Variants in ERBB4 observed in about 807,000 individuals in gnomAD.
ERBB4 encodes receptor tyrosine-protein kinase erbB-4.
ERBB4 carries 42 observed loss-of-function variants against 158.0 expected under a neutral mutation model. That is an observed-to-expected ratio of 0.27 (90% CI 0.21 to 0.34). The LOEUF is 0.34. ERBB4 is among the 10% of genes least tolerant of loss of function. ERBB4 has a pLI of 1.00. For missense variants in ERBB4, 1,333 were observed against 1,624.1 expected (o/e 0.82, Z 3.08); for synonymous variants, 583 against 558.7 (o/e 1.04, Z -0.61).
At chr2:212,476,812 A>G (rs1346031180) in intron 1 of ERBB4, among the ~76,000 whole-genome samples, 1 of 152,178 alleles carries the variant, frequency 6.6e-6, no homozygotes, top group African/African-American at 2.4e-5. Context: ...ATTTTTAAGT[A>G]TATACCCTCA....
intron 3 of ERBB4, among the ~76,000 whole-genome samples, chr2:211,933,847 T>G (rs980295422): frequency 1.3e-5 from 2 of 152,018 alleles, no homozygotes; most frequent in Non-Finnish European, 2.9e-5. Flanking sequence ...ATTAAGAGAT[T>G]TTTATTGCTC....
chr2:212,537,192 G>T (rs1182307650), intron 1 of ERBB4, among the ~76,000 whole-genome samples: 1 of 151,866 alleles, frequency 6.6e-6, no homozygotes, highest in Admixed American at 6.6e-5. Flanking sequence ...TCTTGGTGAG[G>T]TCAGAAGGAC....
chr2:212,295,141 T>C (rs544810700), intron 1 of ERBB4, among the ~76,000 whole-genome samples: 9 of 152,222 alleles, frequency 5.9e-5, no homozygotes, highest in South Asian at 2.1e-4. Context: ...GTCTTGCAAG[T>C]TGTCAATTAA....
chr2:212,336,049 T>G (rs2088425307), intron 1 of ERBB4, among the ~76,000 whole-genome samples: 1 of 151,992 alleles, frequency 6.6e-6, no homozygotes, highest in South Asian at 2.1e-4. Flanking sequence ...CTCACACTGC[T>G]CCAGTTTTTA....
chr2:211,627,672 A>G (rs1049763169), intron 17 of ERBB4, among the ~76,000 whole-genome samples: 8 of 152,326 alleles, frequency 5.3e-5, no homozygotes, highest in African/African-American at 1.9e-4. Context: ...TGTCAGACTG[A>G]CAATGAGAAA....
intron 20 of ERBB4, among the ~76,000 whole-genome samples, chr2:211,452,430 C>T (rs575364075): frequency 1.3e-5 from 2 of 152,266 alleles, no homozygotes; most frequent in South Asian, 4.2e-4. Flanking sequence ...CCCACCTCGG[C>T]CTCTCAAAGT....
intron 20 of ERBB4, among the ~76,000 whole-genome samples, chr2:211,540,184 T>G (rs1254442041): frequency 1.1e-5 from 1 of 91,042 alleles, no homozygotes; most frequent in African/African-American, 4.0e-5. Flanking sequence ...CTGACCTACA[T>G]GATTTATATA....
intron 2 of ERBB4, among the ~76,000 whole-genome samples, chr2:212,111,582 G>T (rs997061826): frequency 6.6e-6 from 1 of 151,796 alleles, no homozygotes; most frequent in Non-Finnish European, 1.5e-5. Context: ...AAAAGGAGAG[G>T]ATTTCCCAGG....
intron 1 of ERBB4, among the ~76,000 whole-genome samples, chr2:212,462,971 A>G (rs1435508413): frequency 6.6e-6 from 1 of 152,150 alleles, no homozygotes; most frequent in Non-Finnish European, 1.5e-5. Context: ...TGAGCCAGGA[A>G]GAAATTATGT....
Position 211,905,914 on chromosome 2 carries a change from G to C in ERBB4, c.421+41516C>G, listed in dbSNP as rs546426231. Among the ~76,000 whole-genome samples the C allele has an allele frequency of 1.2e-4, 18 of 151,496 alleles. No individual in the cohort carries two copies. The South Asian group carries it at 3.7e-3, about 32-fold the overall frequency. On this transcript the variant is annotated intron_variant, in intron 3 of 27. Transcript: ENST00000342788. Reference sequence around the variant, plus strand: ...CAAAAAGTTCAAAGGCACCAAAGAGGTAGGGTGTTTGTGCACTTGAGATGC... The same window carrying C: ...CAAAAAGTTCAAAGGCACCAAAGAGCTAGGGTGTTTGTGCACTTGAGATGC...
chr2:212,464,892 T>TCACACACACACACA (rs148243973), intron 1 of ERBB4, among the ~76,000 whole-genome samples: 15 of 146,142 alleles, frequency 1.0e-4, no homozygotes, highest in African/African-American at 3.5e-4. Flanking sequence ...AAGGGAAACA[T>TCACACACACACACA]CACACACACA....
At chr2:211,590,032 A>C (rs1478810199) in intron 19 of ERBB4, among the ~76,000 whole-genome samples, 1 of 152,214 alleles carries the variant, frequency 6.6e-6, no homozygotes, top group South Asian at 2.1e-4. Context: ...CTGTTTCTAG[A>C]AAAATTACTG....
intron 19 of ERBB4, among the ~76,000 whole-genome samples, chr2:211,608,565 C>T (rs1484153510): frequency 6.6e-6 from 1 of 152,152 alleles, no homozygotes; most frequent in African/African-American, 2.4e-5. Context: ...TACAAAGAAT[C>T]ATTTAATTCT....
At chr2:212,421,957 A>G (rs112309522) in intron 1 of ERBB4, among the ~76,000 whole-genome samples, 1 of 152,216 alleles carries the variant, frequency 6.6e-6, no homozygotes, top group Non-Finnish European at 1.5e-5. Context: ...CATTAAGAAG[A>G]TATCTAACGA....
chr2:211,542,451 C>T (rs1047998681), intron 20 of ERBB4, among the ~76,000 whole-genome samples: 4 of 151,956 alleles, frequency 2.6e-5, no homozygotes, highest in Non-Finnish European at 5.9e-5. Flanking sequence ...CTGACTGCAT[C>T]CAAAGTAACT....
intron 3 of ERBB4, among the ~76,000 whole-genome samples, chr2:211,857,690 G>T (rs2077906044): frequency 6.6e-6 from 1 of 152,124 alleles, no homozygotes; most frequent in Admixed American, 6.5e-5. Context: ...TGCCAAATTT[G>T]AATACAATTT....
chr2:211,785,473 A>T (rs2076138789), intron 4 of ERBB4, among the ~76,000 whole-genome samples: 2 of 152,096 alleles, frequency 1.3e-5, no homozygotes, highest in Admixed American at 1.3e-4. Flanking sequence ...TTTTGGTGTT[A>T]TATCCACGAA....
chr2:212,212,173 C>G (rs1048789877), intron 1 of ERBB4, among the ~76,000 whole-genome samples: 1 of 152,000 alleles, frequency 6.6e-6, no homozygotes, highest in Admixed American at 6.6e-5. Flanking sequence ...GTTTACATTC[C>G]CACCAACAGT....
At chr2:211,468,944 C>G (rs1023559581) in intron 20 of ERBB4, among the ~76,000 whole-genome samples, 7 of 146,926 alleles carry the variant, frequency 4.8e-5, no homozygotes, top group African/African-American at 1.7e-4. Flanking sequence ...CCCTTAAAGG[C>G]AGAGAGTCCT....
Sources: allele counts gnomAD v4.1 joint callset (sites outside exome capture counted in the v4.1 genomes callset), GRCh38; gene constraint gnomAD v4.1.1; transcripts MANE v1.5; gene names NCBI Gene and HGNC (gene_info 2026-07-23, HGNC 2026-07-21).